The following SLC12A5 variants were observed in gnomAD, a reference collection of about 807,000 sequenced individuals.
SLC12A5 encodes the protein K-Cl cotransporter 2.
In SLC12A5, 18 loss-of-function variants were observed where a neutral mutation model predicts 124.0. The ratio of observed to expected loss-of-function variants is 0.15; its 90% CI spans 0.10 to 0.22. The LOEUF is 0.22. Among genes scored for constraint, SLC12A5 ranks in the 10% least tolerant of loss-of-function variants. The pLI, the probability that SLC12A5 is intolerant of heterozygous loss-of-function variation, is 1.00. For missense variants in SLC12A5, 867 were observed against 1,478.7 expected (o/e 0.59, Z 6.78); for synonymous variants, 589 against 568.0 (o/e 1.04, Z -0.53).
intron 11 of SLC12A5, 70 bp downstream of exon 11, chr20:46,044,003 A>G: frequency 6.8e-7 from 1 of 1,478,848 alleles, no homozygotes; most frequent in Non-Finnish European, 9.1e-7. Flanking sequence ...TGGGAAACAG[A>G]CCCATCAGGA....
At chr20:46,041,247 A>C (rs2084544361) in intron 7 of SLC12A5, 82 bp from the exon 8 acceptor site, 8 of 1,242,006 alleles carry the variant, frequency 6.4e-6, no homozygotes, top group Non-Finnish European at 9.3e-6. Context: ...CCGTGTGTTT[A>C]AAAGGTCTCC....
chr20:46,029,917 C>CGT (rs34618340), intron 1 of SLC12A5, among the ~76,000 whole-genome samples: 2,508 of 143,736 alleles, frequency 0.017, 37 homozygotes, highest in African/African-American at 0.036. Context: ...TGTGTGTGTG[C>CGT]GTGTGTGTGT....
chr20:46,029,161 C>T, upstream of SLC12A5: 1 of 1,406,946 alleles, frequency 7.1e-7, no homozygotes, highest in East Asian at 2.8e-5. Context: ...AGGGGGCGCG[C>T]GCGGGTGTGA....
chr20:46,051,961 G>A, intron 18 of SLC12A5, 91 bp downstream of exon 18: 2 of 1,146,486 alleles, frequency 1.7e-6, no homozygotes, highest in South Asian at 1.7e-5. Flanking sequence ...GGGCCTGAGG[G>A]GTTTCCCAAG....
In SLC12A5 at chr20:46,041,459, G is replaced by A. The variant is rs767192319; in HGVS notation, c.985G>A (p.Ala329Thr). 1.2e-6 allele frequency: 2 copies of A among 1,613,896 alleles called. No individual in the cohort carries two copies. Among genetic ancestry groups the A allele is most frequent in the African/African-American group, 1.3e-5 (1 of 74,900 alleles). Residue 329 changes from alanine to threonine, a missense_variant, in exon 8 of 26, where the codon GCC becomes ACC. Coordinates refer to ENST00000243964, the MANE Select transcript of SLC12A5 (RefSeq NM_020708.5). ...GLFCSSRFLN[A>T]TCDEYFTRNN... ...TTTCTGCTCCTCTCGCTTCCTCAAC[G>A]CCACCTGTGATGAATACTTCACCCG...
At chr20:46,036,934 A>G (rs1368864490) in intron 5 of SLC12A5, 139 bp downstream of exon 5, 2 of 1,146,598 alleles carry the variant, frequency 1.7e-6, no homozygotes, top group Non-Finnish European at 2.5e-6. Context: ...TTTCAGCCCT[A>G]TTGGGGGCAG....
rs1394356049 is a variant in SLC12A5, at chr20:46,053,967, T to C, written c.2679+258T>C. Among the ~76,000 whole-genome samples the C allele has an allele frequency of 6.6e-6, 1 of 152,214 alleles. No homozygotes were observed. Among genetic ancestry groups the C allele is most frequent in the Non-Finnish European group, 1.5e-5 (1 of 68,036 alleles). ...TTCCAACAACGACCAATGAGATAGA[T>C]ACAATTATCAGCATTTCCATGTTAC... On this transcript the variant is annotated intron_variant, in intron 20 of 25. Transcript: ENST00000243964. The surrounding 1 kb of genome is among the most constrained non-coding windows in gnomAD (Gnocchi z 4.7).
At chr20:46,051,924 G>A in intron 18 of SLC12A5, 54 bp downstream of exon 18, 1 of 1,364,688 alleles carries the variant, frequency 7.3e-7, no homozygotes, top group Non-Finnish European at 9.8e-7. Context: ...GGGCTGTAGA[G>A]GGGTGGAACT....
intron 1 of SLC12A5, among the ~76,000 whole-genome samples, chr20:46,032,481 G>A (rs1056678484): frequency 2.0e-5 from 3 of 152,266 alleles, no homozygotes; most frequent in African/African-American, 7.2e-5. Flanking sequence ...GGCTGGGTGG[G>A]CACCAAGTAT....
chr20:46,034,722 G>A (rs141580085), intron 1 of SLC12A5, among the ~76,000 whole-genome samples: 78 of 152,252 alleles, frequency 5.1e-4, no homozygotes, highest in Middle Eastern at 6.8e-3. Flanking sequence ...ACCCCCAAGA[G>A]CAAGGAAGCA....
In SLC12A5 at chr20:46,040,459, C is replaced by T. The variant is rs200570265; in HGVS notation, c.699C>T (p.Tyr233=). Residue 233 remains tyrosine, a synonymous_variant, in exon 7 of 26, where the codon TAC becomes TAT. Coordinates refer to ENST00000243964, the MANE Select transcript of SLC12A5 (RefSeq NM_020708.5). The part of the protein sequence containing the change: ...AAAMLNNMRV[Y]GTCVLTCMAT... Reference sequence around the variant, plus strand: ...CCATGCTGAACAACATGCGTGTTTACGGCACCTGTGTGCTCACCTGCATGG... The same window carrying T: ...CCATGCTGAACAACATGCGTGTTTATGGCACCTGTGTGCTCACCTGCATGG... 1.4e-4 allele frequency: 219 copies of T among 1,614,140 alleles called. No homozygotes were observed. Among genetic ancestry groups the T allele is most frequent in the Non-Finnish European group, 1.7e-4 (203 of 1,180,060 alleles).
intron 1 of SLC12A5, among the ~76,000 whole-genome samples, chr20:46,034,610 C>A (rs2145481242): frequency 6.6e-6 from 1 of 152,302 alleles, no homozygotes; most frequent in Non-Finnish European, 1.5e-5. Context: ...ACCTTCTCCA[C>A]TGGGAAAGAA....
At chr20:46,035,193 C>T in intron 2 of SLC12A5, 151 bp downstream of exon 2, 1 of 1,015,884 alleles carries the variant, frequency 9.8e-7, no homozygotes, top group Non-Finnish European at 1.5e-6. Flanking sequence ...CCCTCCTTCT[C>T]CCTCCTGGGA....
intron 1 of SLC12A5, among the ~76,000 whole-genome samples, chr20:46,030,110 ATC>A (rs1335877750): frequency 6.6e-6 from 1 of 151,884 alleles, no homozygotes; most frequent in Middle Eastern, 3.4e-3. Context: ...ACTTTGCAGA[ATC>A]TCTCTCTCGC....
At chr20:46,026,901 G>GT (rs2084404522), upstream of SLC12A5, among the ~76,000 whole-genome samples, 1 of 152,124 alleles carries the variant, frequency 6.6e-6, no homozygotes, top group Non-Finnish European at 1.5e-5. Context: ...TAGAATCTAG[G>GT]TTTCCCCATG....
At chr20:46,042,864 G>A (rs1266320847) in intron 8 of SLC12A5, among the ~76,000 whole-genome samples, 3 of 152,020 alleles carry the variant, frequency 2.0e-5, no homozygotes, top group Non-Finnish European at 4.4e-5. Context: ...AGATCAATTT[G>A]GGACACATCG....
At chr20:46,026,580 C>G (rs543956768), upstream of SLC12A5, among the ~76,000 whole-genome samples, 49 of 152,320 alleles carry the variant, frequency 3.2e-4, no homozygotes, top group South Asian at 5.8e-3. Flanking sequence ...ACTGTCTGCT[C>G]ACTTGGTCGG....
Position 46,053,447 on chromosome 20 carries a change from A to T in SLC12A5, c.2548-131A>T. The T allele has an allele frequency of 7.9e-7, 1 of 1,263,652 alleles. No individual in the cohort carries two copies. The highest frequency in any genetic ancestry group is 1.4e-5 in the South Asian group (1 of 72,848). The allele number at this position is 1,263,652 out of a possible 1,614,324, so 78.3% of individuals were successfully genotyped here. On this transcript the variant is annotated intron_variant, in intron 19 of 25. Coordinates refer to ENST00000243964, the MANE Select transcript of SLC12A5 (RefSeq NM_020708.5). The surrounding 1 kb of genome is among the most constrained non-coding windows in gnomAD (Gnocchi z 4.7). ...TTGTAGAGAGTGGCCCCAAAGACAGAGGATTTGGGGTCTGCATGTATGTGT... is the reference window on the plus strand; with the variant it reads ...TTGTAGAGAGTGGCCCCAAAGACAGTGGATTTGGGGTCTGCATGTATGTGT...
At chr20:46,022,205 C>A in intron 1 of SLC12A5, 1 of 264,518 alleles carries the variant, frequency 3.8e-6, no homozygotes, top group Non-Finnish European at 7.2e-6. Context: ...GGAGAGTAGG[C>A]CGTAGGGCAC....
Sources: gnomAD v4.1 joint callset for allele counts (sites outside exome capture counted in the v4.1 genomes callset) on GRCh38, gnomAD v4.1.1 for gene constraint, Gnocchi (gnomAD v3.1) non-coding constraint, MANE v1.5 for transcripts, NCBI Gene and HGNC (gene_info 2026-07-23, HGNC 2026-07-21) for gene names.